DLG2: variants seen among roughly 807,000 people sequenced by gnomAD.
DLG2 encodes discs large MAGUK scaffold protein 2.
Under a neutral mutation model 132.5 loss-of-function variants are expected in DLG2, and 45 were observed. The ratio of observed to expected loss-of-function variants is 0.34; its 90% CI spans 0.27 to 0.44. The LOEUF (loss-of-function observed/expected upper bound fraction) is 0.44, where lower values mean the gene tolerates loss of function less well. DLG2 is among the 20% of genes least tolerant of loss of function. The pLI is 1.00. For missense variants in DLG2, 1,045 were observed against 1,196.9 expected, an observed-to-expected ratio of 0.87 and a Z score of 1.87; for synonymous variants, 424 against 419.6, an observed-to-expected ratio of 1.01 and a Z score of -0.13.
intron 10 of DLG2, among the ~76,000 whole-genome samples, chr11:84,069,093 C>T (rs1029837065): frequency 2.0e-5 from 3 of 152,154 alleles, no homozygotes; most frequent in Non-Finnish European, 2.9e-5. Flanking sequence ...CTATACATTA[C>T]CACTGAGCTT....
intron 4 of DLG2, among the ~76,000 whole-genome samples, chr11:85,283,581 A>C (rs554308201): frequency 3.7e-4 from 56 of 151,914 alleles, no homozygotes; most frequent in African/African-American, 1.3e-3. Context: ...AAAATAGACA[A>C]AGAGCTTGAA....
intron 18 of DLG2, chr11:83,645,861 G>T (rs1400107263): frequency 6.6e-6 from 1 of 152,080 alleles, no homozygotes; most frequent in Non-Finnish European, 1.5e-5. Context: ...ATTGTTATTT[G>T]CTGGAAAATT....
At chr11:83,711,981 A>G (rs1158597973) in intron 18 of DLG2, among the ~76,000 whole-genome samples, 1 of 152,188 alleles carries the variant, frequency 6.6e-6, no homozygotes, top group Non-Finnish European at 1.5e-5. Context: ...AAAAGTCAAA[A>G]AGCAAAAAAC....
intron 6 of DLG2, among the ~76,000 whole-genome samples, chr11:84,620,989 A>G (rs922765917): frequency 6.6e-6 from 1 of 152,190 alleles, no homozygotes; most frequent in African/African-American, 2.4e-5. Context: ...TCCCAGAAAT[A>G]TTGCACAGAG....
At chr11:84,963,306 AG>A (rs2052854334) in intron 6 of DLG2, among the ~76,000 whole-genome samples, 1 of 152,192 alleles carries the variant, frequency 6.6e-6, no homozygotes, top group South Asian at 2.1e-4. Context: ...ATCAAATCGG[AG>A]GGAAAAATAT....
At chr11:83,859,081 T>C (rs1375113445) in intron 16 of DLG2, among the ~76,000 whole-genome samples, 1 of 152,234 alleles carries the variant, frequency 6.6e-6, no homozygotes, top group Non-Finnish European at 1.5e-5. Context: ...TCACTAGCTA[T>C]GTGGAACTGT....
intron 6 of DLG2, among the ~76,000 whole-genome samples, chr11:84,562,915 G>C (rs375030454): frequency 6.6e-6 from 1 of 151,930 alleles, no homozygotes; most frequent in Non-Finnish European, 1.5e-5. Context: ...ACTGTACCTG[G>C]CTAATTTTTT....
intron 3 of DLG2, among the ~76,000 whole-genome samples, chr11:85,579,182 A>T (rs1437725045): frequency 6.6e-6 from 1 of 152,154 alleles, no homozygotes; most frequent in African/African-American, 2.4e-5. Flanking sequence ...GAGCTAAATG[A>T]TGAGAACACA....
At chr11:85,518,950 C>A (rs978276390) in intron 3 of DLG2, among the ~76,000 whole-genome samples, 5 of 152,160 alleles carry the variant, frequency 3.3e-5, no homozygotes, top group Non-Finnish European at 7.4e-5. Flanking sequence ...GGTGTTGAGC[C>A]TGTGGGTGCA....
At chr11:84,827,352 T>A (rs2078454476) in intron 6 of DLG2, among the ~76,000 whole-genome samples, 1 of 150,954 alleles carries the variant, frequency 6.6e-6, no homozygotes, top group Non-Finnish European at 1.5e-5. Context: ...AGAAACCAGC[T>A]AGAAAAACTA....
intron 21 of DLG2, among the ~76,000 whole-genome samples, chr11:83,524,691 A>C (rs939673706): frequency 3.7e-4 from 57 of 152,288 alleles, no homozygotes; most frequent in African/African-American, 1.2e-3. Flanking sequence ...TCTCTGCGTT[A>C]TCTCTGGACA....
chr11:85,161,682 G>A (rs966890496), intron 4 of DLG2, among the ~76,000 whole-genome samples: 2 of 152,192 alleles, frequency 1.3e-5, no homozygotes, highest in Non-Finnish European at 2.9e-5. Context: ...AACTGTGATT[G>A]TGGGCTCATG....
At chr11:85,549,744 T>C (rs1277409630) in intron 3 of DLG2, among the ~76,000 whole-genome samples, 5 of 152,204 alleles carry the variant, frequency 3.3e-5, no homozygotes, top group African/African-American at 7.2e-5. Flanking sequence ...AAAATCAAGA[T>C]GGTGATGAAA....
At chr11:85,466,116 G>A (rs929140119) in intron 3 of DLG2, among the ~76,000 whole-genome samples, 12 of 152,338 alleles carry the variant, frequency 7.9e-5, no homozygotes, top group East Asian at 1.9e-4. Context: ...TTTGAGAAGT[G>A]TCTGTTAATA....
intron 6 of DLG2, among the ~76,000 whole-genome samples, chr11:84,581,122 C>T (rs1368520058): frequency 6.6e-6 from 1 of 152,086 alleles, no homozygotes; most frequent in Non-Finnish European, 1.5e-5. Flanking sequence ...ATTTTATTTC[C>T]TTTTACAAAT....
At chr11:85,087,528 T>C (rs1031461368) in intron 6 of DLG2, among the ~76,000 whole-genome samples, 1 of 152,144 alleles carries the variant, frequency 6.6e-6, no homozygotes, top group African/African-American at 2.4e-5. Flanking sequence ...TGCCATGAAC[T>C]AGAGGAGACA....
chr11:84,350,380 A>G (rs144758355), intron 7 of DLG2, among the ~76,000 whole-genome samples: 4 of 152,304 alleles, frequency 2.6e-5, no homozygotes, highest in African/African-American at 7.2e-5. Context: ...AGGAGTAAGT[A>G]TCACAAAATG....
chr11:84,040,625 C>T (rs2096047125), intron 11 of DLG2, among the ~76,000 whole-genome samples: 1 of 151,840 alleles, frequency 6.6e-6, no homozygotes, highest in South Asian at 2.1e-4. Context: ...TTACTGTAGC[C>T]TTGTAGTATA....
chr11:83,849,292 GATAA>G (rs1446664782), intron 16 of DLG2, among the ~76,000 whole-genome samples: 9 of 131,838 alleles, frequency 6.8e-5, no homozygotes, highest in African/African-American at 2.7e-4. Flanking sequence ...AAATAAGGGA[GATAA>G]ATAAATATAA....
Sources: gnomAD v4.1 joint callset for allele counts (sites outside exome capture counted in the v4.1 genomes callset) on GRCh38, gnomAD v4.1.1 for gene constraint, MANE v1.5 for transcripts, NCBI Gene and HGNC (gene_info 2026-07-23, HGNC 2026-07-21) for gene names.